SPTLC1: variants seen among roughly 807,000 people sequenced by gnomAD.
The protein encoded by SPTLC1 is serine palmitoyltransferase long chain base subunit 1.
In SPTLC1, 55 loss-of-function variants were observed where a neutral mutation model predicts 68.9. The observed-to-expected ratio is 0.80, with a 90% CI of 0.64 to 1.00. The LOEUF is 1.00. Ranked by LOEUF, SPTLC1 falls within the 50% of genes least tolerant of loss-of-function variation. The probability of loss-of-function intolerance (pLI) is 0.00; values close to 1 mark genes in which losing one functional copy is unlikely to be tolerated. For missense variants in SPTLC1, 449 were observed against 573.1 expected, an observed-to-expected ratio of 0.78 and a Z score of 2.21; for synonymous variants, 197 against 201.6, an observed-to-expected ratio of 0.98 and a Z score of 0.19.
At chr9:92,073,287 C>T (rs1834562201) in intron 5 of SPTLC1, among the ~76,000 whole-genome samples, 1 of 152,218 alleles carries the variant, frequency 6.6e-6, no homozygotes, top group Admixed American at 6.5e-5. Context: ...CTTGGAATGA[C>T]TTAAATGTCA....
chr9:92,044,348 T>A (rs570450870), intron 12 of SPTLC1, among the ~76,000 whole-genome samples: 1 of 152,232 alleles, frequency 6.6e-6, no homozygotes, highest in Admixed American at 6.5e-5. Flanking sequence ...AGGCGTGCAG[T>A]GTAGCAGAGT....
chr9:92,105,390 G>C, intron 3 of SPTLC1: 1 of 1,497,756 alleles, frequency 6.7e-7, no homozygotes. Context: ...AGGAGACTAA[G>C]AGAGCTGCTT....
intron 12 of SPTLC1, among the ~76,000 whole-genome samples, chr9:92,044,139 T>C (rs1587910645): frequency 6.6e-6 from 1 of 152,026 alleles, no homozygotes; most frequent in Non-Finnish European, 1.5e-5. Context: ...TGGTCCAGGG[T>C]GGTGATACGA....
At chr9:92,074,884 C>T (rs1414330086) in intron 5 of SPTLC1, among the ~76,000 whole-genome samples, 1 of 152,114 alleles carries the variant, frequency 6.6e-6, no homozygotes, top group Non-Finnish European at 1.5e-5. Context: ...TCTTTACCAT[C>T]CCCTTACATC....
At chr9:92,085,479 C>G (rs1835084860) in intron 3 of SPTLC1, among the ~76,000 whole-genome samples, 1 of 151,834 alleles carries the variant, frequency 6.6e-6, no homozygotes, top group Non-Finnish European at 1.5e-5. Flanking sequence ...ATCTTTATTT[C>G]TGCCTTCATT....
chr9:92,044,341 C>T (rs1415339243), intron 12 of SPTLC1, among the ~76,000 whole-genome samples: 1 of 152,174 alleles, frequency 6.6e-6, no homozygotes, highest in Non-Finnish European at 1.5e-5. Flanking sequence ...GAAATCCAGG[C>T]GTGCAGTGTA....
chr9:92,102,033 A>G (rs1237389885), intron 3 of SPTLC1, among the ~76,000 whole-genome samples: 1 of 152,188 alleles, frequency 6.6e-6, no homozygotes, highest in East Asian at 1.9e-4. Flanking sequence ...TTCTAAAATT[A>G]GCAAGAAAGA....
chr9:92,094,227 G>A (rs559474587), intron 3 of SPTLC1, among the ~76,000 whole-genome samples: 126 of 152,276 alleles, frequency 8.3e-4, no homozygotes, highest in African/African-American at 2.6e-3. Flanking sequence ...GTTAACAGAC[G>A]GGTGATAGAG....
chr9:92,071,714 G>C (rs1834499015), intron 5 of SPTLC1, among the ~76,000 whole-genome samples: 1 of 152,146 alleles, frequency 6.6e-6, no homozygotes, highest in Non-Finnish European at 1.5e-5. Flanking sequence ...CGTGACCCCT[G>C]TGACCCACAC....
intron 12 of SPTLC1, among the ~76,000 whole-genome samples, chr9:92,042,749 G>C (rs1833394592): frequency 6.6e-6 from 1 of 152,160 alleles, no homozygotes. Context: ...ACAGACACTA[G>C]TGATAAACCT....
At chr9:92,072,774 C>T (rs1056773571) in intron 5 of SPTLC1, among the ~76,000 whole-genome samples, 1 of 152,082 alleles carries the variant, frequency 6.6e-6, no homozygotes, top group Admixed American at 6.5e-5. Flanking sequence ...ACTTCGGTTG[C>T]AAAATGGGCA....
Position 92,038,336 on chromosome 9 carries a change from G to A in SPTLC1, c.1166C>T (p.Ser389Phe). The A allele has an allele frequency of 9.3e-6, 15 of 1,613,820 alleles. No homozygotes were observed. Among genetic ancestry groups the A allele is most frequent in the Non-Finnish European group, 1.3e-5 (15 of 1,179,764 alleles). Reference sequence around the variant, plus strand: ...TTGTAGGTGAAAGGCTGGAGAAAGGGACTCCCCCACCACTTTTAATCCAGA... The same window carrying A: ...TTGTAGGTGAAAGGCTGGAGAAAGGAACTCCCCCACCACTTTTAATCCAGA... The part of the protein sequence containing the change: ...GISGLKVVGE[S>F]LSPAFHLQLE... Residue 389 changes from serine (S) to phenylalanine (F), a missense_variant, in exon 13 of 15, where the codon TCC (serine) becomes TTC (phenylalanine). By Grantham distance (155) the Ser-to-Phe change is radical (BLOSUM62 -2). Around this residue, in one of 3 missense-constraint regions of SPTLC1, gnomAD observed 391 missense variants for 472.1 expected, o/e 0.83. Coordinates refer to ENST00000262554, the MANE Select transcript of SPTLC1 (RefSeq NM_006415.4).
chr9:92,091,609 A>T (rs1322842183), intron 3 of SPTLC1, among the ~76,000 whole-genome samples: 1 of 152,254 alleles, frequency 6.6e-6, no homozygotes, highest in Non-Finnish European at 1.5e-5. Context: ...TTTCTTATAC[A>T]TCCCTTTAAA....
intron 9 of SPTLC1, 31 bp downstream of exon 9, chr9:92,049,928 AG>A (rs1369987636): frequency 7.5e-7 from 1 of 1,336,774 alleles, no homozygotes. Flanking sequence ...CTCCTATAAG[AG>A]GGGAAACGTT....
chr9:92,084,687 T>C (rs1835039328), intron 3 of SPTLC1, among the ~76,000 whole-genome samples: 2 of 151,972 alleles, frequency 1.3e-5, no homozygotes, highest in African/African-American at 4.8e-5. Context: ...ATCAAGGATA[T>C]TGGTCTAAAA....
rs1172643140 is a variant in SPTLC1 at position 92,079,800 on chromosome 9, T to G, written c.427+216A>C. On this transcript the variant is annotated intron_variant, in intron 5 of 14. Transcript: ENST00000262554. ...CAATCCCCACACATGCACACGAGGA[T>G]GAGCCCACCATGCCCGGCTAATTTT... is the stretch of plus-strand genomic sequence containing the variant. 6.1e-6 allele frequency: 4 copies of G among 651,830 alleles called. No homozygotes were observed. The Admixed American group carries it at 9.7e-5, about 16-fold the overall frequency. The allele number at this position is 651,830 out of a possible 1,614,324, so 40.4% of individuals were successfully genotyped here.
chr9:92,111,940 C>A (rs114177920), intron 2 of SPTLC1: 2,667 of 158,332 alleles, frequency 0.017, 65 homozygotes, highest in African/African-American at 0.06. Flanking sequence ...GCTAGAGGTT[C>A]TTTTCCATGT....
intron 12 of SPTLC1, among the ~76,000 whole-genome samples, chr9:92,039,137 ACT>A (rs1833253961): frequency 6.6e-6 from 1 of 152,068 alleles, no homozygotes; most frequent in Non-Finnish European, 1.5e-5. Flanking sequence ...ACAGAGCAAA[ACT>A]CTGTCTCAAA....
At chr9:92,090,942 G>A (rs1333930995) in intron 3 of SPTLC1, among the ~76,000 whole-genome samples, 1 of 152,080 alleles carries the variant, frequency 6.6e-6, no homozygotes, top group Non-Finnish European at 1.5e-5. Context: ...ATGGTAACCT[G>A]GGTCCCTAAT....
Sources: allele counts gnomAD v4.1 joint callset (sites outside exome capture counted in the v4.1 genomes callset), GRCh38; gene constraint gnomAD v4.1.1; regional missense constraint gnomAD v4.1.1; transcripts MANE v1.5; gene names NCBI Gene and HGNC (gene_info 2026-07-23, HGNC 2026-07-21).